AFG2A: variants seen among roughly 807,000 people sequenced by gnomAD.
The protein encoded by AFG2A is AAA ATPase AFG2A.
chr4:123,162,214 A>G, the AFG2A span, among the ~76,000 whole-genome samples: 1 of 152,242 alleles, frequency 6.6e-6, no homozygotes, highest in Non-Finnish European at 1.5e-5. Flanking sequence ...CACAAGAAGA[A>G]TAAAAGTATT....
At chr4:122,982,044 T>C in the AFG2A span, among the ~76,000 whole-genome samples, 18 of 152,246 alleles carry the variant, frequency 1.2e-4, no homozygotes, top group African/African-American at 4.1e-4. Context: ...CTATATTAAA[T>C]AGAAGTTGCG....
chr4:123,108,082 ACGGCTTGG>A, the AFG2A span, among the ~76,000 whole-genome samples: 1 of 152,152 alleles, frequency 6.6e-6, no homozygotes, highest in Admixed American at 6.5e-5. Context: ...CGCAGCCTTG[ACGGCTTGG>A]CAGAGCTTGC....
chr4:123,042,417 A>T, the AFG2A span, among the ~76,000 whole-genome samples: 24,379 of 151,918 alleles, frequency 0.16, 2,391 homozygotes, highest in East Asian at 0.45. Context: ...CACCCTCATG[A>T]ACTAATTACT....
chr4:123,178,360 A>G, the AFG2A span, among the ~76,000 whole-genome samples: 1 of 152,202 alleles, frequency 6.6e-6, no homozygotes, highest in South Asian at 2.1e-4. Context: ...ACTTCTGTAA[A>G]TCCATAACAG....
chr4:123,137,939 A>G, the AFG2A span, among the ~76,000 whole-genome samples: 1 of 152,166 alleles, frequency 6.6e-6, no homozygotes, highest in Non-Finnish European at 1.5e-5. Flanking sequence ...ATACATTAGT[A>G]TAGAACCCTT....
the AFG2A span, among the ~76,000 whole-genome samples, chr4:123,136,661 C>G: frequency 6.1e-5 from 9 of 148,148 alleles, no homozygotes; most frequent in Non-Finnish European, 1.3e-4. Flanking sequence ...GCAACAAAAG[C>G]AAAATTCCGT....
At chr4:123,230,966 A>G in the AFG2A span, among the ~76,000 whole-genome samples, 1 of 151,988 alleles carries the variant, frequency 6.6e-6, no homozygotes. Flanking sequence ...TGCTATAAAC[A>G]AAGTGTTGTC....
chr4:123,005,415 A>G, the AFG2A span, among the ~76,000 whole-genome samples: 1 of 152,152 alleles, frequency 6.6e-6, no homozygotes, highest in Non-Finnish European at 1.5e-5. Context: ...TCAGCCTTTC[A>G]AAGTGCTGGA....
the AFG2A span, among the ~76,000 whole-genome samples, chr4:122,973,755 A>G: frequency 2.7e-3 from 418 of 152,294 alleles, 4 homozygotes; most frequent in African/African-American, 9.5e-3. Context: ...CAGCAGCATG[A>G]TGATGGCTCA....
At chr4:122,982,208 G>A in the AFG2A span, among the ~76,000 whole-genome samples, 4 of 152,098 alleles carry the variant, frequency 2.6e-5, no homozygotes, top group Non-Finnish European at 4.4e-5. Context: ...ATCATGAAAG[G>A]ATGTTGAATT....
the AFG2A span, among the ~76,000 whole-genome samples, chr4:123,171,694 A>G: frequency 6.6e-6 from 1 of 152,134 alleles, no homozygotes; most frequent in Non-Finnish European, 1.5e-5. Flanking sequence ...TTGGAACCCT[A>G]CTGTCTAGCA....
At chr4:122,982,194 T>G in the AFG2A span, among the ~76,000 whole-genome samples, 124,586 of 152,062 alleles carry the variant, frequency 0.82, 52,525 homozygotes, top group East Asian at 0.96. Context: ...TATTGAGAGT[T>G]TTTATCATGA....
At chr4:122,948,871 T>G in the AFG2A span, among the ~76,000 whole-genome samples, 2 of 152,344 alleles carry the variant, frequency 1.3e-5, no homozygotes, top group African/African-American at 4.8e-5. Flanking sequence ...CACATTCTTA[T>G]GCCTTTCTGT....
chr4:123,082,498 G>GTCTCTGTC, the AFG2A span, among the ~76,000 whole-genome samples: 1 of 146,878 alleles, frequency 6.8e-6, no homozygotes, highest in Non-Finnish European at 1.5e-5. Context: ...TTTTGTGTGT[G>GTCTCTGTC]TCTCTGTCTC....
chr4:123,157,739 A>G, the AFG2A span, among the ~76,000 whole-genome samples: 2 of 152,204 alleles, frequency 1.3e-5, no homozygotes, highest in African/African-American at 2.4e-5. Flanking sequence ...CAATATCACA[A>G]AATGTGTGGT....
the AFG2A span, among the ~76,000 whole-genome samples, chr4:123,100,702 A>G: frequency 6.6e-6 from 1 of 151,908 alleles, no homozygotes; most frequent in Non-Finnish European, 1.5e-5. Context: ...GAATAAAGTC[A>G]TCAGGAACAA....
the AFG2A span, among the ~76,000 whole-genome samples, chr4:123,037,923 T>C: frequency 6.6e-6 from 1 of 152,210 alleles, no homozygotes; most frequent in Non-Finnish European, 1.5e-5. Context: ...ATTCTTATCA[T>C]TTCTGCCATT....
chr4:122,932,716 C>G, the AFG2A span, among the ~76,000 whole-genome samples: 1 of 152,146 alleles, frequency 6.6e-6, no homozygotes, highest in Non-Finnish European at 1.5e-5. Context: ...TGGGGTGACA[C>G]AGTTATCATT....
the AFG2A span, among the ~76,000 whole-genome samples, chr4:123,277,401 T>C: frequency 1.3e-5 from 2 of 152,192 alleles, no homozygotes; most frequent in Non-Finnish European, 2.9e-5. Context: ...GTTTTCTAGA[T>C]ATAGAATCAT....
Sources: gnomAD v4.1 joint callset for allele counts (sites outside exome capture counted in the v4.1 genomes callset) on GRCh38, gnomAD v4.1.1 for gene constraint, MANE v1.5 for transcripts, NCBI Gene and HGNC (gene_info 2026-07-23, HGNC 2026-07-21) for gene names.